SRFBP1: variants seen among roughly 807,000 people sequenced by gnomAD.
The protein encoded by SRFBP1 is serum response factor-binding protein 1.
In SRFBP1, 47 loss-of-function variants were observed where a neutral mutation model predicts 45.5. The observed-to-expected ratio is 1.03, with a 90% confidence interval of 0.82 to 1.32. The LOEUF (loss-of-function observed/expected upper bound fraction) is 1.32, where lower values mean the gene tolerates loss of function less well. Among genes scored for constraint, SRFBP1 ranks in the 40% most tolerant of loss-of-function variants. SRFBP1 has a pLI of 0.00. For synonymous variants in SRFBP1, 203 were observed against 166.3 expected (o/e 1.22, Z -1.70); for missense variants, 621 against 484.6 (o/e 1.28, Z -2.64).
At chr5:122,048,902 C>T (rs544868634) in intron 2 of SRFBP1, among the ~76,000 whole-genome samples, 1 of 152,094 alleles carries the variant, frequency 6.6e-6, no homozygotes, top group Non-Finnish European at 1.5e-5. Context: ...TCCCCTTCAT[C>T]GTTTTTTATT....
At chr5:122,026,565 A>G (rs536229122) in intron 7 of SRFBP1, among the ~76,000 whole-genome samples, 1 of 152,342 alleles carries the variant, frequency 6.6e-6, no homozygotes, top group South Asian at 2.1e-4. Flanking sequence ...CATCTGCTTC[A>G]TGTACACAGA....
At chr5:121,987,321 A>G (rs1216731540) in intron 3 of SRFBP1, among the ~76,000 whole-genome samples, 1 of 152,146 alleles carries the variant, frequency 6.6e-6, no homozygotes, top group African/African-American at 2.4e-5. Context: ...ATTGGTTTCT[A>G]TAGAGAACAC....
At chr5:122,031,556 G>C (rs1489082817), downstream of SRFBP1, among the ~76,000 whole-genome samples, 1 of 152,136 alleles carries the variant, frequency 6.6e-6, no homozygotes, top group Non-Finnish European at 1.5e-5. Context: ...AAGCCAAAAA[G>C]GAATGAACAG....
intron 2 of SRFBP1, among the ~76,000 whole-genome samples, chr5:122,052,905 G>A (rs935114745): frequency 2.6e-5 from 4 of 151,950 alleles, no homozygotes; most frequent in African/African-American, 7.3e-5. Flanking sequence ...CTGTCCTTTC[G>A]ATGGATTTTT....
intron 3 of SRFBP1, among the ~76,000 whole-genome samples, chr5:121,984,108 A>T (rs1752470781): frequency 6.6e-6 from 1 of 151,778 alleles, no homozygotes; most frequent in African/African-American, 2.4e-5. Flanking sequence ...ACTTTTGCAA[A>T]ATCAGAATGC....
At chr5:122,051,519 CTT>C (rs560355488) in intron 2 of SRFBP1, among the ~76,000 whole-genome samples, 2 of 142,374 alleles carry the variant, frequency 1.4e-5, no homozygotes, top group African/African-American at 5.1e-5. Context: ...CCTTCTTTAT[CTT>C]TTTTTTTTTT....
At chr5:122,033,057 T>A (rs1050559365), downstream of SRFBP1, among the ~76,000 whole-genome samples, 1 of 152,182 alleles carries the variant, frequency 6.6e-6, no homozygotes, top group African/African-American at 2.4e-5. Context: ...AATTTGGCTG[T>A]GTATTGCTTA....
chr5:122,020,131 A>G lies in SRFBP1; in HGVS notation c.396A>G (p.Glu132=). ...AAGAAGCAAGACAAAATGTTGCTGA[A>G]GTTGAGTCATCAAAGAATGCTTCAG... ...AFKEARQNVA[E]VESSKNASED... Residue 132 remains glutamate (E), a synonymous_variant, in exon 6 of 8, where the codon GAA becomes GAG. Coordinates refer to ENST00000339397, the MANE Select transcript of SRFBP1 (RefSeq NM_152546.3). 6.3e-7 allele frequency: 1 copy of G among 1,588,632 alleles called. No homozygotes were observed. The highest frequency in any genetic ancestry group is 1.2e-5 in the South Asian group (1 of 86,032).
intron 4 of SRFBP1, among the ~76,000 whole-genome samples, chr5:122,007,295 A>T (rs1160097840): frequency 6.6e-6 from 1 of 152,034 alleles, no homozygotes; most frequent in Non-Finnish European, 1.5e-5. Flanking sequence ...TCAGCCTGGC[A>T]CTGGTGAATG....
chr5:122,060,636 C>T (rs11956933), intron 2 of SRFBP1, among the ~76,000 whole-genome samples: 5,129 of 152,128 alleles, frequency 0.034, 294 homozygotes, highest in African/African-American at 0.12. Context: ...AGGTTAATGC[C>T]GCTTTTTTCT....
At chr5:122,022,018 A>AT (rs1753336508) in intron 6 of SRFBP1, among the ~76,000 whole-genome samples, 1 of 152,028 alleles carries the variant, frequency 6.6e-6, no homozygotes, top group African/African-American at 2.4e-5. Flanking sequence ...AATTTTTGTT[A>AT]TATGAGAGTC....
intron 2 of SRFBP1, among the ~76,000 whole-genome samples, chr5:122,048,600 G>A (rs917568565): frequency 3.3e-5 from 5 of 152,058 alleles, no homozygotes; most frequent in Non-Finnish European, 7.4e-5. Flanking sequence ...CTATTGATTG[G>A]GATAGTTTCA....
chr5:122,034,648 A>G (rs535541658), intron 2 of SRFBP1, among the ~76,000 whole-genome samples: 29 of 152,188 alleles, frequency 1.9e-4, no homozygotes, highest in Non-Finnish European at 3.8e-4. Context: ...ACCTATTATT[A>G]TTATACCCTG....
At chr5:122,065,256 G>A (rs1277127787) in intron 2 of SRFBP1, 1 of 152,026 alleles carries the variant, frequency 6.6e-6, no homozygotes, top group Non-Finnish European at 1.5e-5. Context: ...AGTAATTGAT[G>A]TTGACTTTAC....
chr5:122,077,281 G>A (rs1754665931), downstream of SRFBP1: 15 of 1,593,946 alleles, frequency 9.4e-6, no homozygotes, highest in Non-Finnish European at 1.3e-5. This position sits in a 1 kb window ranked among gnomAD's most constrained non-coding sequence, Gnocchi z 4.9. Context: ...GCCGCGCCCA[G>A]GCAGCCACGT....
intron 4 of SRFBP1, among the ~76,000 whole-genome samples, chr5:122,009,205 G>A (rs1237749920): frequency 1.3e-5 from 2 of 151,888 alleles, no homozygotes; most frequent in Admixed American, 6.6e-5. Context: ...TTTATGTAGC[G>A]CCTGGTTTTA....
intron 2 of SRFBP1, among the ~76,000 whole-genome samples, chr5:122,062,970 A>G (rs1355091648): frequency 1.3e-5 from 2 of 151,960 alleles, no homozygotes; most frequent in African/African-American, 2.4e-5. Context: ...CTGTGTCCTT[A>G]TAAGTAGCTG....
chr5:122,012,442 T>C (rs1753116217), intron 4 of SRFBP1, among the ~76,000 whole-genome samples: 1 of 152,104 alleles, frequency 6.6e-6, no homozygotes, highest in African/African-American at 2.4e-5. Context: ...ATTGGTCTTT[T>C]AAGAATGGAA....
chr5:122,077,142 G>C (rs1282576565), downstream of SRFBP1: 4 of 1,469,210 alleles, frequency 2.7e-6, no homozygotes, highest in South Asian at 2.8e-5. The surrounding 1 kb of genome is among the most constrained non-coding windows in gnomAD (Gnocchi z 4.9). Flanking sequence ...AAGAGAACTG[G>C]GGACGCCCGG....
Sources: allele counts gnomAD v4.1 joint callset (sites outside exome capture counted in the v4.1 genomes callset), GRCh38; gene constraint gnomAD v4.1.1; non-coding constraint Gnocchi (gnomAD v3.1); transcripts MANE v1.5; gene names NCBI Gene and HGNC (gene_info 2026-07-23, HGNC 2026-07-21).